PAM: variants seen among roughly 807,000 people sequenced by gnomAD.
The protein encoded by PAM is peptidyl-glycine alpha-amidating monooxygenase.
PAM carries 72 observed loss-of-function variants against 122.1 expected under a neutral mutation model. The observed-to-expected ratio is 0.59, with a 90% CI of 0.49 to 0.72. The LOEUF (loss-of-function observed/expected upper bound fraction) is 0.72. Among genes scored for constraint, PAM ranks in the 30% least tolerant of loss-of-function variants. PAM has a pLI of 0.00. For missense variants in PAM, 1,106 were observed against 1,183.7 expected (o/e 0.93, Z 0.96); for synonymous variants, 389 against 404.4 (o/e 0.96, Z 0.46).
At chr5:102,833,672 T>TAGAAAAAATCAGCATTTTTTAA (rs1776094217) in intron 1 of PAM, among the ~76,000 whole-genome samples, 1 of 152,212 alleles carries the variant, frequency 6.6e-6, no homozygotes, top group African/African-American at 2.4e-5. Context: ...TTTAATTTCT[T>TAGAAAAAATCAGCATTTTTTAA]AGAAAAAATC....
chr5:103,020,593 G>T (rs1287855051), intron 23 of PAM, among the ~76,000 whole-genome samples: 7 of 152,132 alleles, frequency 4.6e-5, no homozygotes. Context: ...TCTAGCATCT[G>T]CAGGGTTTTG....
rs560077077 is a variant in PAM at position 102,836,208 on chromosome 5, A to T, written c.-373-29615A>T. 3.0e-4 allele frequency among the ~76,000 whole-genome samples: 46 copies of T among 152,326 alleles called. 1 individual carries two copies. In the South Asian group the frequency reaches 9.1e-3, roughly 30 times the overall value. ...TGACTGTTGAAATGATTAATATTTT[A>T]TGTTGAAAAATCTACTTATTTGAAT... On this transcript the variant is annotated intron_variant, in intron 1 of 25. Transcript: ENST00000438793.
intron 1 of PAM, among the ~76,000 whole-genome samples, chr5:102,853,868 CT>C (rs1302662645): frequency 1.3e-5 from 2 of 152,254 alleles, no homozygotes; most frequent in African/African-American, 2.4e-5. Flanking sequence ...AACAATAACA[CT>C]TCTCACACTT....
At chr5:102,961,083 A>G (rs775501366) in intron 13 of PAM, 75 bp from the exon 14 acceptor site, 3 of 756,334 alleles carry the variant, frequency 4.0e-6, no homozygotes, top group Non-Finnish European at 7.1e-6. Context: ...ATGTTGATGG[A>G]CTATTTCCAA....
chr5:102,882,922 T>A (rs115211970), intron 3 of PAM, among the ~76,000 whole-genome samples: 2,819 of 152,132 alleles, frequency 0.019, 100 homozygotes, highest in African/African-American at 0.064. Context: ...GGATCCAGTT[T>A]TGATCTTCTA....
At chr5:103,006,090 A>G (rs1242497573) in intron 18 of PAM, among the ~76,000 whole-genome samples, 1 of 152,064 alleles carries the variant, frequency 6.6e-6, no homozygotes, top group East Asian at 1.9e-4. Context: ...ACACACCAGC[A>G]TACTTGGCTA....
intron 1 of PAM, among the ~76,000 whole-genome samples, chr5:102,820,127 T>A (rs982203320): frequency 5.9e-5 from 9 of 152,212 alleles, no homozygotes; most frequent in African/African-American, 2.2e-4. Context: ...TTAAAATATT[T>A]AGAACATAGC....
chr5:102,979,062 GCA>G (rs1191262571), intron 15 of PAM, among the ~76,000 whole-genome samples: 33 of 131,572 alleles, frequency 2.5e-4, no homozygotes, highest in African/African-American at 5.0e-4. Flanking sequence ...ACACACACAC[GCA>G]CACACACATA....
intron 7 of PAM, among the ~76,000 whole-genome samples, chr5:102,935,259 G>T (rs1191348311): frequency 1.3e-5 from 2 of 151,342 alleles, no homozygotes; most frequent in Admixed American, 6.6e-5. Flanking sequence ...ATGTGTATAT[G>T]TACTTTTTTC....
intron 5 of PAM, among the ~76,000 whole-genome samples, chr5:102,919,811 GGTGA>G (rs1185586478): frequency 6.6e-6 from 1 of 151,998 alleles, no homozygotes; most frequent in Non-Finnish European, 1.5e-5. Flanking sequence ...TCACCAATTT[GGTGA>G]GTATGTTCCT....
intron 7 of PAM, among the ~76,000 whole-genome samples, chr5:102,941,833 C>CAA (rs70990420): frequency 0.025 from 1,476 of 58,382 alleles, 311 homozygotes; most frequent in South Asian, 0.036. Context: ...CCAGATGGTA[C>CAA]AAAAAAAAAA....
intron 3 of PAM, among the ~76,000 whole-genome samples, chr5:102,900,254 T>TGTGGGGGGGG (rs777616737): frequency 3.7e-5 from 1 of 26,978 alleles, no homozygotes; most frequent in African/African-American, 1.7e-4. Context: ...TGTGTGTGTG[T>TGTGGGGGGGG]GGGGGGGGGG....
At chr5:102,972,817 TTA>T (rs1766301834) in intron 14 of PAM, among the ~76,000 whole-genome samples, 4 of 152,204 alleles carry the variant, frequency 2.6e-5, no homozygotes, top group Admixed American at 1.3e-4. Flanking sequence ...ATTGGCCCTA[TTA>T]CTTGGTAATT....
At chr5:102,826,143 A>G (rs144088881) in intron 1 of PAM, among the ~76,000 whole-genome samples, 68 of 152,354 alleles carry the variant, frequency 4.5e-4, no homozygotes, top group African/African-American at 1.6e-3. Flanking sequence ...ACTTAATGTC[A>G]TCTAGAGATT....
At chr5:102,821,530 A>G (rs968205940) in intron 1 of PAM, among the ~76,000 whole-genome samples, 9 of 152,192 alleles carry the variant, frequency 5.9e-5, no homozygotes, top group Non-Finnish European at 8.8e-5. Flanking sequence ...ACCCCTTATT[A>G]TGATTATACA....
At chr5:102,916,420 A>G (rs1308887175) in intron 5 of PAM, among the ~76,000 whole-genome samples, 1 of 151,944 alleles carries the variant, frequency 6.6e-6, no homozygotes, top group Non-Finnish European at 1.5e-5. Context: ...CTTGTATCCC[A>G]TAGCCCCACT....
At chr5:102,926,511 T>C (rs762000515) in intron 6 of PAM, 74 bp from the exon 7 acceptor site, 5 of 822,010 alleles carry the variant, frequency 6.1e-6, no homozygotes, top group Non-Finnish European at 1.1e-5. Context: ...TTGGAGTTCA[T>C]AGAACAGCAA....
At chr5:102,842,061 AAC>A (rs1236788493) in intron 1 of PAM, among the ~76,000 whole-genome samples, 3 of 152,114 alleles carry the variant, frequency 2.0e-5, no homozygotes, top group Non-Finnish European at 1.5e-5. Context: ...GATGGGTCCA[AAC>A]ATTATCGACA....
chr5:102,847,361 C>T, intron 1 of PAM, among the ~76,000 whole-genome samples: 1 of 152,124 alleles, frequency 6.6e-6, no homozygotes, highest in East Asian at 1.9e-4. Flanking sequence ...ATCTCTTGAA[C>T]CCGGTGGGTG....
Sources: gnomAD v4.1 joint callset for allele counts (sites outside exome capture counted in the v4.1 genomes callset) on GRCh38, gnomAD v4.1.1 for gene constraint, MANE v1.5 for transcripts, NCBI Gene and HGNC (gene_info 2026-07-23, HGNC 2026-07-21) for gene names.